Variants in SLC26A11 observed in about 807,000 individuals in gnomAD.
The protein encoded by SLC26A11 is solute carrier family 26 member 11.
SLC26A11 carries 58 observed loss-of-function variants against 62.2 expected under a neutral mutation model. The ratio of observed to expected loss-of-function variants is 0.93; its 90% CI spans 0.76 to 1.16. The LOEUF (loss-of-function observed/expected upper bound fraction) is 1.16, where lower values mean the gene tolerates loss of function less well. SLC26A11 is among the 50% of genes most tolerant of loss of function. The probability of loss-of-function intolerance (pLI) is 0.00; values close to 1 mark genes in which losing one functional copy is unlikely to be tolerated. For missense variants in SLC26A11, 790 were observed against 794.3 expected, an observed-to-expected ratio of 0.99 and a Z score of 0.06; for synonymous variants, 411 against 368.9, an observed-to-expected ratio of 1.11 and a Z score of -1.31.
Position 80,231,087 on chromosome 17 carries a change from C to G in SLC26A11, c.736+3127C>G, listed in dbSNP as rs1327654901. ...CTTTGGTTTTCTAGTTCATTGATTT[C>G]TGCTTGGGCCTTTATTATTTCCTTT... On this transcript the variant is annotated intron_variant, in intron 7 of 17. Transcript: ENST00000361193. Among the ~76,000 whole-genome samples, 8 of 141,906 alleles carry G rather than the reference C, an allele frequency of 5.6e-5. No homozygotes were observed. In the Admixed American group the frequency reaches 5.6e-4, roughly 10 times the overall value. 93.1% of individuals were successfully genotyped at this position (141,906 alleles called of 152,430 possible). A position where few individuals can be genotyped will look rare whatever the true frequency, so the allele number is the denominator to read the frequency against.
chr17:80,241,045 C>T (rs1486013329), intron 9 of SLC26A11, among the ~76,000 whole-genome samples: 1 of 152,008 alleles, frequency 6.6e-6, no homozygotes, highest in Non-Finnish European at 1.5e-5. Flanking sequence ...GTCAAGGTGG[C>T]ATTGAGCTGT....
intron 7 of SLC26A11, among the ~76,000 whole-genome samples, chr17:80,231,506 T>C (rs573433333): frequency 6.6e-6 from 1 of 152,172 alleles, no homozygotes; most frequent in Non-Finnish European, 1.5e-5. Context: ...ATCTTTGATT[T>C]GAGACCTTTC....
intron 6 of SLC26A11, among the ~76,000 whole-genome samples, chr17:80,227,030 A>G (rs1453356945): frequency 6.6e-6 from 1 of 152,158 alleles, no homozygotes; most frequent in Non-Finnish European, 1.5e-5. Flanking sequence ...ACGGAGCCTG[A>G]CCAGTCAGAG....
chr17:80,243,646 G>C (rs779254094), intron 10 of SLC26A11, among the ~76,000 whole-genome samples: 1 of 151,992 alleles, frequency 6.6e-6, no homozygotes, highest in Non-Finnish European at 1.5e-5. Context: ...ATCCGCCCGC[G>C]TTGGCCTCCC....
chr17:80,227,444 C>G lies in SLC26A11; in HGVS notation c.594-374C>G, dbSNP rs192658196. Reference sequence around the variant, plus strand: ...TGAAAATGTGAGCACGTCGCTCTGCCATCATCATGACCCGGGCCTCTCCAC... The same window carrying G: ...TGAAAATGTGAGCACGTCGCTCTGCGATCATCATGACCCGGGCCTCTCCAC... On this transcript the variant is annotated intron_variant, in intron 6 of 17. Transcript: ENST00000361193. Among the ~76,000 whole-genome samples the G allele has an allele frequency of 4.1e-3, 623 of 152,330 alleles. 3 individuals carry two copies. Among genetic ancestry groups the G allele is most frequent in the African/African-American group, 0.014 (592 of 41,572 alleles).
intron 6 of SLC26A11, among the ~76,000 whole-genome samples, chr17:80,226,682 T>C (rs909764977): frequency 6.6e-5 from 10 of 152,044 alleles, no homozygotes; most frequent in Admixed American, 5.9e-4. Context: ...GCCCGGGTGA[T>C]AGAGTGAGAC....
chr17:80,246,797 C>A lies in SLC26A11; in HGVS notation c.1294+148C>A. 9.3e-7 allele frequency: 1 copy of A among 1,079,922 alleles called. No individual in the cohort carries two copies. Among genetic ancestry groups the A allele is most frequent in the Non-Finnish European group, 1.3e-6 (1 of 759,300 alleles). The allele number at this position is 1,079,922 out of a possible 1,614,324, so 66.9% of individuals were successfully genotyped here. A position where few individuals can be genotyped will look rare whatever the true frequency, so the allele number is the denominator to read the frequency against. ...GTCCCGGAACAGAGAAGTGGATGGC[C>A]AGGAGATGGCCCCAGAGATGGTCCC... On this transcript the variant is annotated intron_variant, in intron 13 of 17. Transcript: ENST00000361193. The surrounding 1 kb of genome is among the most constrained non-coding windows in gnomAD (Gnocchi z 4.4).
In SLC26A11 at chr17:80,252,675, G is replaced by C. The variant is rs2043184951; in HGVS notation, c.1780G>C (p.Asp594His). ...PGTQPYNIRE[D>H]SILDQKVALL... is the part of the protein sequence containing the mutation. ...GACCCAGCCCTACAACATCAGAGAA[G>C]ACTCCATTCTGGACCAAAAGGTTGC... The change falls in exon 18 of 18, where the codon GAC becomes CAC. Residue 594 changes from aspartate (D) to histidine (H), a missense_variant. Asp to His is a moderately conservative substitution (Grantham distance 81, BLOSUM62 -1). Transcript: ENST00000361193. This position sits in a 1 kb window ranked among gnomAD's most constrained non-coding sequence, Gnocchi z 5.2. 6.2e-7 allele frequency: 1 copy of C among 1,614,004 alleles called. No individual in the cohort carries two copies. Among genetic ancestry groups the C allele is most frequent in the Non-Finnish European group, 8.5e-7 (1 of 1,179,994 alleles).
intron 5 of SLC26A11, among the ~76,000 whole-genome samples, chr17:80,225,286 T>G (rs1331912701): frequency 6.6e-6 from 1 of 152,228 alleles, no homozygotes; most frequent in Non-Finnish European, 1.5e-5. Flanking sequence ...GCTCCTACTT[T>G]GCCGAGGATT....
chr17:80,221,756 G>C lies in SLC26A11; in HGVS notation c.196G>C (p.Ala66Pro). The C allele has an allele frequency of 9.9e-6, 16 of 1,613,234 alleles. No individual in the cohort carries two copies. The highest frequency in any genetic ancestry group is 1.4e-5 in the Non-Finnish European group (16 of 1,180,032). ...AGTTGGCCTCACTGCCATTCCCCAG[G>C]CGCTGGCCTATGCTGAAGTGGCTGG... ...LSVGLTAIPQ[A>P]LAYAEVAGLP... Residue 66 changes from alanine (A) to proline (P), a missense_variant, in exon 3 of 18, where the codon GCG (alanine) becomes CCG (proline). Coordinates refer to ENST00000361193, the MANE Select transcript of SLC26A11 (RefSeq NM_001166347.2).
At chr17:80,241,746 G>C (rs200222002) in intron 9 of SLC26A11, 25 bp from the exon 10 acceptor site, 5 of 1,612,978 alleles carry the variant, frequency 3.1e-6, no homozygotes, top group Admixed American at 1.7e-5. Context: ...TTACTGACCA[G>C]GTCTTTACCG....
At chr17:80,236,805 G>C (rs1046017960) in intron 7 of SLC26A11, 123 bp from the exon 8 acceptor site, 4 of 995,260 alleles carry the variant, frequency 4.0e-6, no homozygotes, top group Non-Finnish European at 6.1e-6. Context: ...GCAGAGTGAG[G>C]ACTGTGGCCC....
chr17:80,240,907 T>C (rs747548336), intron 9 of SLC26A11, among the ~76,000 whole-genome samples: 1 of 152,126 alleles, frequency 6.6e-6, no homozygotes, highest in Non-Finnish European at 1.5e-5. Context: ...GCTTAGGAGT[T>C]TGAAACCCAC....
At chr17:80,234,233 G>C (rs1598812173) in intron 7 of SLC26A11, among the ~76,000 whole-genome samples, 1 of 152,130 alleles carries the variant, frequency 6.6e-6, no homozygotes, top group East Asian at 1.9e-4. Context: ...TCGAACTCCT[G>C]ACCTCAGGTG....
rs1322915701 is a variant in SLC26A11, at chr17:80,246,134, G to A, written c.1098-20G>A. On this transcript the variant is annotated intron_variant, in intron 11 of 17. Transcript: ENST00000361193. The surrounding 1 kb of genome is among the most constrained non-coding windows in gnomAD (Gnocchi z 4.4). ...TTTTCCCGGCCCCTGGTGACTGACG[G>A]TCTCTGTGTTGCCTTCCAGGACAGC... is the stretch of plus-strand genomic sequence containing the variant. The A allele has an allele frequency of 6.2e-7, 1 of 1,613,156 alleles. No individual in the cohort carries two copies. Among genetic ancestry groups the A allele is most frequent in the Non-Finnish European group, 8.5e-7 (1 of 1,180,002 alleles).
At chr17:80,221,426 G>GC (rs1470613349) in intron 2 of SLC26A11, 122 bp from the exon 3 acceptor site, 6 of 672,286 alleles carry the variant, frequency 8.9e-6, no homozygotes, top group Admixed American at 3.0e-5. Context: ...AGAGCCGTTC[G>GC]CCCCCCTGGG....
Position 80,222,714 on chromosome 17 carries a change from G to A in SLC26A11, c.294G>A (p.Arg98=), listed in dbSNP as rs2042256684. ...TGTATTTCTTCCTGGGCACCTCCCGGGATGTGACTCTGGGCCCCACCGCCA... is the reference window on the plus strand; with the variant it reads ...TGTATTTCTTCCTGGGCACCTCCCGAGATGTGACTCTGGGCCCCACCGCCA... ...CFVYFFLGTS[R]DVTLGPTAIM... The change falls in exon 4 of 18, where the codon CGG becomes CGA. Residue 98 remains arginine (R), a synonymous_variant. Transcript: ENST00000361193. This position sits in a 1 kb window ranked among gnomAD's most constrained non-coding sequence, Gnocchi z 4.7. 6 of 1,614,068 alleles carry A rather than the reference G, an allele frequency of 3.7e-6. No homozygotes were observed. The East Asian group carries it at 1.3e-4, about 36-fold the overall frequency.
At position 80,252,112 on chromosome 17, in the gene SLC26A11, G is replaced by A. The variant is rs2043173287; in HGVS notation, c.1730-513G>A. Among the ~76,000 whole-genome samples the A allele has an allele frequency of 1.3e-5, 2 of 152,146 alleles. No homozygotes were observed. Among genetic ancestry groups the A allele is most frequent in the African/African-American group, 2.4e-5 (1 of 41,426 alleles). On this transcript the variant is annotated intron_variant, in intron 17 of 17. Coordinates refer to ENST00000361193, the MANE Select transcript of SLC26A11 (RefSeq NM_001166347.2). The surrounding 1 kb of genome is among the most constrained non-coding windows in gnomAD (Gnocchi z 5.2). ...ACAGCAATCGCAGGAGGTCTGAGCCGCAGCAGGTGTCAACAAGAGGATGGG... is the reference window on the plus strand; with the variant it reads ...ACAGCAATCGCAGGAGGTCTGAGCCACAGCAGGTGTCAACAAGAGGATGGG...
chr17:80,242,058 C>T (rs760522721), intron 10 of SLC26A11, among the ~76,000 whole-genome samples: 5 of 152,260 alleles, frequency 3.3e-5, no homozygotes, highest in Admixed American at 1.3e-4. Context: ...CTCACTACAA[C>T]CTCTGCCTCC....
Sources: allele counts gnomAD v4.1 joint callset (sites outside exome capture counted in the v4.1 genomes callset), GRCh38; gene constraint gnomAD v4.1.1; non-coding constraint Gnocchi (gnomAD v3.1); transcripts MANE v1.5; gene names NCBI Gene and HGNC (gene_info 2026-07-23, HGNC 2026-07-21).